ZNF398: variants seen among roughly 807,000 people sequenced by gnomAD.
ZNF398 encodes zinc finger DNA binding protein ZER6.
ZNF398 carries 18 observed loss-of-function variants against 41.9 expected under a neutral mutation model. That is an observed-to-expected ratio of 0.43 (90% CI 0.30 to 0.64). ZNF398 has a LOEUF of 0.64. Ranked by LOEUF, ZNF398 falls within the 30% of genes least tolerant of loss-of-function variation. The probability of loss-of-function intolerance (pLI) is 0.14; values close to 1 mark genes in which losing one functional copy is unlikely to be tolerated. For synonymous variants in ZNF398, 260 were observed against 308.8 expected, an observed-to-expected ratio of 0.84 and a Z score of 1.66; for missense variants, 669 against 822.8, an observed-to-expected ratio of 0.81 and a Z score of 2.29.
intron 2 of ZNF398, among the ~76,000 whole-genome samples, chr7:149,134,646 G>A (rs1826673546): frequency 6.6e-6 from 1 of 152,118 alleles, no homozygotes; most frequent in African/African-American, 2.4e-5. Flanking sequence ...TAGATAATAG[G>A]TAAAAGAGTA....
At chr7:149,153,570 A>G (rs950026208) in intron 1 of ZNF398, among the ~76,000 whole-genome samples, 3 of 152,332 alleles carry the variant, frequency 2.0e-5, no homozygotes, top group East Asian at 1.9e-4. Flanking sequence ...GCATAAGTCT[A>G]TAATGGATTT....
intron 2 of ZNF398, among the ~76,000 whole-genome samples, chr7:149,135,820 G>A (rs1420400991): frequency 1.3e-5 from 2 of 152,056 alleles, no homozygotes; most frequent in African/African-American, 4.8e-5. Context: ...AGCTGGGCAT[G>A]GTGGTGCGCG....
chr7:149,166,479 G>C (rs1795228069), intron 3 of ZNF398, among the ~76,000 whole-genome samples, 195 bp downstream of exon 3: 1 of 152,220 alleles, frequency 6.6e-6, no homozygotes, highest in Non-Finnish European at 1.5e-5. Flanking sequence ...TTGTAGGACA[G>C]AGAATGAAGT....
Position 149,154,082 on chromosome 7 carries a change from G to C in ZNF398, c.162G>C (p.Glu54Asp). ...TGGTGGCCGCCGTGCAGGCTATAGA[G>C]AGGAAGGTGGAGATCCACAGCCGGC... is the stretch of plus-strand genomic sequence containing the variant. ...WTVVAAVQAI[E>D]RKVEIHSRRL... The change falls in exon 2 of 6, where the codon GAG (glutamate) becomes GAC (aspartate). Residue 54 changes from glutamate to aspartate, a missense_variant. Physicochemically the swap from Glu to Asp is conservative, Grantham distance 45. This residue lies in a region of ZNF398 where 169 missense variants were observed against 239.5 expected (regional missense o/e 0.71). Transcript: ENST00000475153. 6.2e-7 allele frequency: 1 copy of C among 1,614,192 alleles called. No individual in the cohort carries two copies. Among genetic ancestry groups the C allele is most frequent in the Non-Finnish European group, 8.5e-7 (1 of 1,180,040 alleles).
intron 2 of ZNF398, among the ~76,000 whole-genome samples, chr7:149,130,944 A>T (rs1826582717): frequency 6.6e-6 from 1 of 152,210 alleles, no homozygotes; most frequent in East Asian, 1.9e-4. Flanking sequence ...TTTGGTCAAC[A>T]GGAAGCAGGT....
chr7:149,153,363 C>T (rs1029894027), intron 1 of ZNF398, among the ~76,000 whole-genome samples: 4 of 152,042 alleles, frequency 2.6e-5, no homozygotes, highest in Admixed American at 6.6e-5. Context: ...CTGAAAATTT[C>T]GTTATGTTGG....
rs1477810969 is a variant in ZNF398, at chr7:149,179,231, G to A, written c.1359G>A (p.Arg453=). ...TSHRRAHASE[R]PFRCAQCGRS... is the part of the protein sequence containing the mutation. ...ACCGGAGAGCTCATGCAAGCGAAAG[G>A]CCCTTCCGCTGTGCCCAGTGCGGCA... is the stretch of plus-strand genomic sequence containing the variant. Residue 453 remains arginine, a synonymous_variant, in exon 6 of 6, where the codon AGG becomes AGA. Transcript: ENST00000475153. The surrounding 1 kb of genome is among the most constrained non-coding windows in gnomAD (Gnocchi z 6.1). The A allele has an allele frequency of 5.6e-6, 9 of 1,612,692 alleles. No individual in the cohort carries two copies. The highest frequency in any genetic ancestry group is 7.6e-6 in the Non-Finnish European group (9 of 1,179,880).
chr7:149,178,649 T>A lies in ZNF398; in HGVS notation c.777T>A (p.Asp259Glu). The change falls in exon 6 of 6, where the codon GAT (aspartate) becomes GAA (glutamate). Residue 259 changes from aspartate (D) to glutamate (E), a missense_variant and splice_region_variant. By Grantham distance (45) the Asp-to-Glu change is conservative (BLOSUM62 2). This residue lies in a region of ZNF398 where 290 missense variants were observed against 292.9 expected (regional missense o/e 0.99). Transcript: ENST00000475153. ...TAACTCTGGAGTCTTTTCTTTCAGA[T>A]GAAGAGCTTGTCATCAAAGCTGAAG... ...ESDVYKSTYA[D>E]EELVIKAEGL... is the part of the protein sequence containing the mutation. 1 of 1,611,762 alleles carries A rather than the reference T, an allele frequency of 6.2e-7. No individual in the cohort carries two copies. The highest frequency in any genetic ancestry group is 8.5e-7 in the Non-Finnish European group (1 of 1,179,056).
chr7:149,176,141 G>A (rs1299095787), intron 4 of ZNF398, among the ~76,000 whole-genome samples: 1 of 152,020 alleles, frequency 6.6e-6, no homozygotes, highest in Non-Finnish European at 1.5e-5. Context: ...GACCATCCTG[G>A]CTAACACGGT....
At position 149,181,737 on chromosome 7, in the gene ZNF398, A is replaced by G. The variant is rs1403739168; in HGVS notation, c.*1936A>G. On this transcript the variant is annotated 3_prime_UTR_variant, in exon 6 of 6. Coordinates refer to ENST00000475153, the MANE Select transcript of ZNF398 (RefSeq NM_170686.3). ...TCATAACTTACAGTGAAAAAGCCCA[A>G]TAATACAGAACAAGACATGATGGGC... is the stretch of plus-strand genomic sequence containing the variant. The G allele has an allele frequency of 6.6e-6, 1 of 152,218 alleles. No homozygotes were observed. Among genetic ancestry groups the G allele is most frequent in the Non-Finnish European group, 1.5e-5 (1 of 68,038 alleles). 9.4% of individuals were successfully genotyped at this position (152,218 alleles called of 1,614,324 possible). A position where few individuals can be genotyped will look rare whatever the true frequency, so the allele number is the denominator to read the frequency against.
intron 4 of ZNF398, 106 bp downstream of exon 4, chr7:149,167,036 A>C: frequency 1.4e-6 from 1 of 710,162 alleles, no homozygotes; most frequent in Admixed American, 3.0e-5. Context: ...TCATTGCTAA[A>C]GCAACTAGAT....
chr7:149,167,076 A>G, intron 4 of ZNF398, 146 bp downstream of exon 4: 1 of 588,834 alleles, frequency 1.7e-6, no homozygotes, highest in Non-Finnish European at 3.0e-6. Flanking sequence ...ATTTAAATAT[A>G]AAAGGGAGCT....
Position 149,161,864 on chromosome 7 carries a change from C to A in ZNF398, c.421-4294C>A, listed in dbSNP as rs2129520847. Among the ~76,000 whole-genome samples the A allele has an allele frequency of 1.3e-5, 2 of 148,878 alleles. 1 individual carries two copies. The highest frequency in any genetic ancestry group is 4.2e-4 in the South Asian group (2 of 4,712). ...GCCCAAATACAGCAAGAATTAGAAA[C>A]TCCAGTGTTTTTGCAATTGGGATGA... On this transcript the variant is annotated intron_variant, in intron 2 of 5. Transcript: ENST00000475153.
upstream of ZNF398, among the ~76,000 whole-genome samples, chr7:149,143,825 AAAC>A (rs1028743087): frequency 2.0e-5 from 3 of 152,118 alleles, no homozygotes; most frequent in African/African-American, 7.2e-5. Flanking sequence ...AAAAACAAAC[AAAC>A]AACCCCCCAA....
intron 2 of ZNF398, among the ~76,000 whole-genome samples, chr7:149,162,322 C>T (rs1224735312): frequency 1.3e-5 from 2 of 152,170 alleles, no homozygotes; most frequent in Admixed American, 6.6e-5. Context: ...GCTGGGACTA[C>T]AGGCGCCTGC....
chr7:149,164,184 G>C (rs1434343061), intron 2 of ZNF398, among the ~76,000 whole-genome samples: 1 of 151,538 alleles, frequency 6.6e-6, no homozygotes, highest in Non-Finnish European at 1.5e-5. Context: ...GAGGCGGGCA[G>C]ATCACAAGGT....
chr7:149,145,550 G>A (rs1826919918), upstream of ZNF398, among the ~76,000 whole-genome samples: 1 of 152,126 alleles, frequency 6.6e-6, no homozygotes, highest in Non-Finnish European at 1.5e-5. Flanking sequence ...TTTAAGGATC[G>A]CTTAAGATGT....
rs1198662358 is a variant in ZNF398, at chr7:149,154,226, G to T, written c.306G>T (p.Leu102=). 6.2e-7 allele frequency: 1 copy of T among 1,614,066 alleles called. No homozygotes were observed. The highest frequency in any genetic ancestry group is 2.2e-5 in the East Asian group (1 of 44,898). ...LEGKWAVLGT[L]LQEYGLLQRR... ...GCAAGTGGGCCGTGCTGGGAACCCT[G>T]CTGCAGGAGTACGGGCTGCTGCAGA... The change falls in exon 2 of 6, where the codon CTG becomes CTT. Residue 102 remains leucine (L), a synonymous_variant. Coordinates refer to ENST00000475153, the MANE Select transcript of ZNF398 (RefSeq NM_170686.3).
At chr7:149,174,224 C>G (rs1361375308) in intron 4 of ZNF398, among the ~76,000 whole-genome samples, 1 of 152,210 alleles carries the variant, frequency 6.6e-6, no homozygotes, top group Non-Finnish European at 1.5e-5. Context: ...ATTGACTTCT[C>G]TCTAGTTATG....
Sources: gnomAD v4.1 joint callset for allele counts (sites outside exome capture counted in the v4.1 genomes callset) on GRCh38, gnomAD v4.1.1 for gene constraint, gnomAD v4.1.1 regional missense constraint, Gnocchi (gnomAD v3.1) non-coding constraint, MANE v1.5 for transcripts, NCBI Gene and HGNC (gene_info 2026-07-23, HGNC 2026-07-21) for gene names.